MAML3: variants seen among roughly 807,000 people sequenced by gnomAD.
MAML3 encodes mastermind like transcriptional coactivator 3, also known as mastermind-like protein 3.
In MAML3, 27 loss-of-function variants were observed where a neutral mutation model predicts 101.9. That is an observed-to-expected ratio of 0.27 (90% CI 0.20 to 0.37). The LOEUF (loss-of-function observed/expected upper bound fraction) is 0.37, where lower values mean the gene tolerates loss of function less well. Among genes scored for constraint, MAML3 ranks in the 10% least tolerant of loss-of-function variants. The probability of loss-of-function intolerance (pLI) is 1.00; values close to 1 mark genes in which losing one functional copy is unlikely to be tolerated. For synonymous variants in MAML3, 501 were observed against 555.9 expected (o/e 0.90, Z 1.39); for missense variants, 1,316 against 1,444.9 (o/e 0.91, Z 1.45).
At chr4:140,149,028 G>C (rs1406804583) in intron 1 of MAML3, among the ~76,000 whole-genome samples, 3 of 152,168 alleles carry the variant, frequency 2.0e-5, no homozygotes, top group Admixed American at 6.5e-5. Flanking sequence ...CATGCTTTTT[G>C]ATGTGCCTGC....
chr4:139,970,323 G>A (rs1413150360), intron 1 of MAML3, among the ~76,000 whole-genome samples: 1 of 152,174 alleles, frequency 6.6e-6, no homozygotes, highest in African/African-American at 2.4e-5. Flanking sequence ...GCAAAAGCTG[G>A]AAGTAGGAAA....
At chr4:139,839,733 G>C (rs191936259) in intron 2 of MAML3, among the ~76,000 whole-genome samples, 146 of 152,244 alleles carry the variant, frequency 9.6e-4, no homozygotes, top group African/African-American at 3.4e-3. Flanking sequence ...GATTATTTCT[G>C]AAGCACTGAA....
chr4:140,143,972 T>C (rs1424714998), intron 1 of MAML3, among the ~76,000 whole-genome samples: 1 of 152,092 alleles, frequency 6.6e-6, no homozygotes, highest in Non-Finnish European at 1.5e-5. Context: ...AAGCTGAGAG[T>C]AATGCCGCAT....
chr4:140,132,202 C>T (rs900517835), intron 1 of MAML3, among the ~76,000 whole-genome samples: 2 of 152,202 alleles, frequency 1.3e-5, no homozygotes, highest in African/African-American at 2.4e-5. Context: ...GCACAGTCCA[C>T]GAATGCTCGT....
rs866882463 is a variant in MAML3, at chr4:139,781,330, C to A, written c.2080-50663G>T. 4.5e-4 allele frequency among the ~76,000 whole-genome samples: 69 copies of A among 152,010 alleles called. 2 individuals are homozygous for A. The highest frequency in any genetic ancestry group is 1.6e-3 in the African/African-American group (67 of 41,446). On this transcript the variant is annotated intron_variant, in intron 2 of 4. Coordinates refer to ENST00000509479, the MANE Select transcript of MAML3 (RefSeq NM_018717.5). ...GGGGCCTGAACAATGAAAGGGAAAG[C>A]CTTTTATATCTACAAATAGATATAA...
intron 1 of MAML3, among the ~76,000 whole-genome samples, chr4:140,108,529 T>C (rs1468115342): frequency 6.6e-6 from 1 of 150,848 alleles, no homozygotes; most frequent in Non-Finnish European, 1.5e-5. Flanking sequence ...GAAATGATAA[T>C]GGTATATCTA....
At chr4:139,795,218 C>T (rs997564875) in intron 2 of MAML3, among the ~76,000 whole-genome samples, 7 of 152,236 alleles carry the variant, frequency 4.6e-5, no homozygotes, top group South Asian at 4.2e-4. Flanking sequence ...AAGACTAATT[C>T]GACAATAACC....
At position 140,104,408 on chromosome 4, in the gene MAML3, A is replaced by ATATATTATATATT. The variant is rs368174569; in HGVS notation, c.468+48451_468+48452insAATATATAATATA. Among the ~76,000 whole-genome samples the ATATATTATATATT allele has an allele frequency of 2.2e-3, 119 of 54,824 alleles. 1 individual carries two copies. Among genetic ancestry groups the ATATATTATATATT allele is most frequent in the Non-Finnish European group, 2.6e-3 (79 of 30,970 alleles). 36.0% of individuals were successfully genotyped at this position (54,824 alleles called of 152,430 possible). A position where few individuals can be genotyped will look rare whatever the true frequency, so the allele number is the denominator to read the frequency against. ...ATATATTATATATTATATAATATAT[A>ATATATTATATATT]ATATAATATATAATATACACGAATG... On this transcript the variant is annotated intron_variant, in intron 1 of 4. Coordinates refer to ENST00000509479, the MANE Select transcript of MAML3 (RefSeq NM_018717.5).
intron 2 of MAML3, among the ~76,000 whole-genome samples, chr4:139,815,138 C>T (rs1730871356): frequency 6.6e-6 from 1 of 152,068 alleles, no homozygotes; most frequent in Non-Finnish European, 1.5e-5. Flanking sequence ...GCTAGAAAGC[C>T]CGACTTATGA....
At chr4:140,002,100 T>C (rs1335594812) in intron 1 of MAML3, among the ~76,000 whole-genome samples, 4 of 152,208 alleles carry the variant, frequency 2.6e-5, no homozygotes, top group Non-Finnish European at 5.9e-5. Flanking sequence ...CATTTTCACG[T>C]ATACAATACA....
intron 1 of MAML3, among the ~76,000 whole-genome samples, chr4:140,087,224 G>A (rs1444733817): frequency 2.0e-5 from 3 of 152,134 alleles, no homozygotes; most frequent in Non-Finnish European, 4.4e-5. Flanking sequence ...TATTTTTTGT[G>A]TGACTCTTTT....
intron 1 of MAML3, among the ~76,000 whole-genome samples, chr4:140,071,755 TAGAGAGAGAGAG>T (rs11268401): frequency 2.9e-5 from 4 of 137,270 alleles, no homozygotes; most frequent in Non-Finnish European, 4.7e-5. Context: ...GGACCAGGAT[TAGAGAGAGAGAG>T]AGAGAGAGAG....
At chr4:139,954,330 T>C (rs1020213138) in intron 1 of MAML3, among the ~76,000 whole-genome samples, 1 of 152,216 alleles carries the variant, frequency 6.6e-6, no homozygotes, top group Non-Finnish European at 1.5e-5. Flanking sequence ...CTTTGGGGAT[T>C]GCTATTTTGT....
At chr4:139,928,001 T>A (rs993922921) in intron 1 of MAML3, among the ~76,000 whole-genome samples, 7 of 152,232 alleles carry the variant, frequency 4.6e-5, no homozygotes, top group African/African-American at 1.7e-4. Flanking sequence ...CAGCGCTCAG[T>A]AATATACGTG....
chr4:139,946,260 T>C (rs1306328162), intron 1 of MAML3, among the ~76,000 whole-genome samples: 1 of 152,254 alleles, frequency 6.6e-6, no homozygotes, highest in East Asian at 1.9e-4. Flanking sequence ...AGTTTCATAA[T>C]AGCCGTTTTT....
At chr4:139,907,197 G>A (rs1172746282) in intron 1 of MAML3, among the ~76,000 whole-genome samples, 1 of 152,166 alleles carries the variant, frequency 6.6e-6, no homozygotes, top group Non-Finnish European at 1.5e-5. Flanking sequence ...CCAGATTTCA[G>A]CAAAGCACAG....
chr4:139,814,517 G>C (rs1443855999), intron 2 of MAML3, among the ~76,000 whole-genome samples: 3 of 152,150 alleles, frequency 2.0e-5, no homozygotes, highest in African/African-American at 7.2e-5. Context: ...CACGGGGGAC[G>C]ATTTCAAAAC....
chr4:139,966,356 C>T (rs761629704), intron 1 of MAML3, among the ~76,000 whole-genome samples: 11 of 152,130 alleles, frequency 7.2e-5, no homozygotes, highest in Non-Finnish European at 1.5e-4. Flanking sequence ...ATGCAGAACA[C>T]GGCACAGTAC....
At chr4:139,833,492 G>A (rs1192574107) in intron 2 of MAML3, among the ~76,000 whole-genome samples, 1 of 152,130 alleles carries the variant, frequency 6.6e-6, no homozygotes, top group African/African-American at 2.4e-5. Context: ...AGGCTAGAGT[G>A]GGAGGAAGAA....
Sources: allele counts gnomAD v4.1 joint callset (sites outside exome capture counted in the v4.1 genomes callset), GRCh38; gene constraint gnomAD v4.1.1; transcripts MANE v1.5; gene names NCBI Gene and HGNC (gene_info 2026-07-23, HGNC 2026-07-21).